NAALADL2: variants seen among roughly 807,000 people sequenced by gnomAD.
The protein encoded by NAALADL2 is N-acetylated alpha-linked acidic dipeptidase like 2.
Under a neutral mutation model 87.2 loss-of-function variants are expected in NAALADL2, and 76 were observed. That is an observed-to-expected ratio of 0.87 (90% CI 0.72 to 1.05). NAALADL2 has a LOEUF of 1.05. Ranked by LOEUF, NAALADL2 falls within the 50% of genes least tolerant of loss-of-function variation. NAALADL2 has a pLI of 0.00. For synonymous variants in NAALADL2, 354 were observed against 331.0 expected, an observed-to-expected ratio of 1.07 and a Z score of -0.75; for missense variants, 1,089 against 945.8, an observed-to-expected ratio of 1.15 and a Z score of -1.99.
At chr3:174,899,410 C>T (rs1354040471) in intron 1 of NAALADL2, among the ~76,000 whole-genome samples, 1 of 152,084 alleles carries the variant, frequency 6.6e-6, no homozygotes, top group Non-Finnish European at 1.5e-5. Context: ...TCATGGGGGC[C>T]AATGTCTCAT....
intron 1 of NAALADL2, among the ~76,000 whole-genome samples, chr3:174,486,660 C>A (rs944422051): frequency 6.6e-6 from 1 of 151,972 alleles, no homozygotes; most frequent in Non-Finnish European, 1.5e-5. Context: ...GTTTGTTCTG[C>A]TTTTTACTCT....
chr3:174,700,229 G>GTTT (rs71624290), intron 2 of NAALADL2, among the ~76,000 whole-genome samples: 6 of 140,434 alleles, frequency 4.3e-5, no homozygotes, highest in Non-Finnish European at 3.1e-5. Context: ...TTTTGCCACA[G>GTTT]TTTTTTTTTT....
chr3:174,639,521 A>G (rs1722967215), intron 2 of NAALADL2, among the ~76,000 whole-genome samples: 1 of 152,166 alleles, frequency 6.6e-6, no homozygotes, highest in African/African-American at 2.4e-5. Flanking sequence ...GCTACAAATT[A>G]GGGCTTCCTG....
At chr3:175,463,701 GGA>G (rs10591566) in intron 7 of NAALADL2, among the ~76,000 whole-genome samples, 54,905 of 114,724 alleles carry the variant, frequency 0.48, 9,786 homozygotes, top group Non-Finnish European at 0.54. Flanking sequence ...CTTAGTCGGG[GGA>G]GAGAGAGAGA....
At chr3:174,842,884 C>T (rs765692404) in intron 3 of NAALADL2, among the ~76,000 whole-genome samples, 3 of 152,020 alleles carry the variant, frequency 2.0e-5, no homozygotes, top group Non-Finnish European at 2.9e-5. Context: ...ATTGAAATTA[C>T]AGTATTTTCC....
intron 3 of NAALADL2, among the ~76,000 whole-genome samples, chr3:175,248,189 A>G (rs1337421345): frequency 6.6e-6 from 1 of 152,146 alleles, no homozygotes; most frequent in Non-Finnish European, 1.5e-5. Context: ...TTACTGTTCT[A>G]CTATTTAGTA....
At chr3:175,419,600 A>G (rs1715298366) in intron 5 of NAALADL2, among the ~76,000 whole-genome samples, 1 of 151,942 alleles carries the variant, frequency 6.6e-6, no homozygotes, top group African/African-American at 2.4e-5. Flanking sequence ...GTGTTCTCAG[A>G]GAGACCTGAT....
At chr3:174,856,855 C>T (rs933398860), upstream of NAALADL2, among the ~76,000 whole-genome samples, 2 of 152,032 alleles carry the variant, frequency 1.3e-5, no homozygotes, top group African/African-American at 4.8e-5. Context: ...GTTACAGCCA[C>T]GGTGTGTGAT....
At chr3:175,787,475 C>T (rs1174450141) in intron 13 of NAALADL2, among the ~76,000 whole-genome samples, 1 of 152,208 alleles carries the variant, frequency 6.6e-6, no homozygotes, top group Non-Finnish European at 1.5e-5. Context: ...ACCCGATTTT[C>T]CAGGTGCGTC....
chr3:175,041,406 CT>C (rs1298826791), intron 1 of NAALADL2, among the ~76,000 whole-genome samples: 2 of 152,122 alleles, frequency 1.3e-5, no homozygotes, highest in African/African-American at 2.4e-5. Flanking sequence ...CTGTCATCTT[CT>C]TTAAACAGTT....
chr3:174,692,091 G>T (rs1461498916), intron 2 of NAALADL2: 3 of 152,122 alleles, frequency 2.0e-5, no homozygotes. Context: ...GTTCTTAATG[G>T]CATCTTGAAT....
At chr3:175,624,595 AG>A (rs947581721) in intron 10 of NAALADL2, among the ~76,000 whole-genome samples, 65 of 152,096 alleles carry the variant, frequency 4.3e-4, no homozygotes, top group African/African-American at 1.6e-3. Context: ...CTGACTAAAA[AG>A]TGTGATGTAA....
At chr3:174,451,214 C>G (rs1317473205) in intron 1 of NAALADL2, among the ~76,000 whole-genome samples, 20 of 152,114 alleles carry the variant, frequency 1.3e-4, no homozygotes. Context: ...CCTGTAAGTA[C>G]TGAGGGTTTA....
intron 12 of NAALADL2, among the ~76,000 whole-genome samples, chr3:175,740,683 G>A (rs941046887): frequency 2.6e-5 from 4 of 152,122 alleles, no homozygotes; most frequent in African/African-American, 7.2e-5. Flanking sequence ...ATAGCAGAGC[G>A]CATCTCCCCA....
At chr3:175,527,860 G>A (rs1733619854) in intron 9 of NAALADL2, among the ~76,000 whole-genome samples, 1 of 152,074 alleles carries the variant, frequency 6.6e-6, no homozygotes, top group Admixed American at 6.5e-5. Context: ...GTTATACACA[G>A]GTTATACATT....
intron 2 of NAALADL2, among the ~76,000 whole-genome samples, chr3:175,230,784 C>T (rs540612221): frequency 2.6e-5 from 4 of 151,824 alleles, no homozygotes; most frequent in East Asian, 3.9e-4. Flanking sequence ...CAACTATTGG[C>T]GAGGAATGGA....
chr3:175,150,941 G>C (rs192759051), intron 2 of NAALADL2, among the ~76,000 whole-genome samples: 1 of 152,204 alleles, frequency 6.6e-6, no homozygotes, highest in African/African-American at 2.4e-5. Context: ...AGGTAAAGAT[G>C]ATGAGTAAGG....
At chr3:174,850,036 A>C (rs923490895) in intron 3 of NAALADL2, among the ~76,000 whole-genome samples, 3 of 152,152 alleles carry the variant, frequency 2.0e-5, no homozygotes, top group Non-Finnish European at 4.4e-5. Context: ...GTTAACATAC[A>C]TTTCTTTCAG....
chr3:175,664,558 T>A (rs1445459689), intron 11 of NAALADL2, among the ~76,000 whole-genome samples: 1 of 151,970 alleles, frequency 6.6e-6, no homozygotes, highest in African/African-American at 2.4e-5. Context: ...AGATTGAACA[T>A]CTGCTGAAAA....
Sources: gnomAD v4.1 joint callset for allele counts (sites outside exome capture counted in the v4.1 genomes callset) on GRCh38, gnomAD v4.1.1 for gene constraint, MANE v1.5 for transcripts, NCBI Gene and HGNC (gene_info 2026-07-23, HGNC 2026-07-21) for gene names.